Variants in CAMK2B observed in about 807,000 individuals in gnomAD.
The protein encoded by CAMK2B is calcium/calmodulin-dependent protein kinase type II subunit beta.
A neutral mutation model predicts 93.7 loss-of-function variants in CAMK2B; 27 were observed. That is an observed-to-expected ratio of 0.29 (90% CI 0.21 to 0.40). The LOEUF is 0.40. Among genes scored for constraint, CAMK2B ranks in the 10% least tolerant of loss-of-function variants. CAMK2B has a pLI of 1.00. For synonymous variants in CAMK2B, 374 were observed against 358.8 expected, an observed-to-expected ratio of 1.04 and a Z score of -0.48; for missense variants, 568 against 895.8, an observed-to-expected ratio of 0.63 and a Z score of 4.67.
chr7:44,234,408 CG>C lies in CAMK2B; in HGVS notation c.1112del (p.Thr371SerfsTer32). Reference sequence around the variant, plus strand: ...TCAGTACCAGGGCGGCAGGAGGAAGCGTCCCTTTGGGGCTGGTGGCGGCTGC... The same window carrying C: ...TCAGTACCAGGGCGGCAGGAGGAAGCTCCCTTTGGGGCTGGTGGCGGCTGC... Reference protein sequence around the residue: ...NSAAATSPKGTLPPAALEPQT... With the variant: ...NSAAATSPKGXLPPAALEPQT... On this transcript the variant is annotated frameshift_variant, in exon 15 of 24. Coordinates refer to ENST00000395749, the MANE Select transcript of CAMK2B (RefSeq NM_001220.5). LOFTEE classifies it high-confidence loss of function. 1 of 1,535,486 alleles carries C rather than the reference CG, an allele frequency of 6.5e-7. No individual in the cohort carries two copies. Among genetic ancestry groups the C allele is most frequent in the Non-Finnish European group, 8.7e-7 (1 of 1,144,380 alleles).
At chr7:44,273,721 C>T (rs2096999261) in intron 2 of CAMK2B, among the ~76,000 whole-genome samples, 1 of 152,214 alleles carries the variant, frequency 6.6e-6, no homozygotes, top group Non-Finnish European at 1.5e-5. Context: ...GCCCAGACTC[C>T]AGGGCTGCAC....
At chr7:44,285,780 G>GT (rs1055816386) in intron 1 of CAMK2B, among the ~76,000 whole-genome samples, 5 of 147,542 alleles carry the variant, frequency 3.4e-5, no homozygotes, top group Non-Finnish European at 7.5e-5. Context: ...CTCAGGAGAT[G>GT]TGGGGGGAGA....
At chr7:44,295,005 G>A (rs2129153894) in intron 1 of CAMK2B, among the ~76,000 whole-genome samples, 1 of 152,336 alleles carries the variant, frequency 6.6e-6, no homozygotes, top group South Asian at 2.1e-4. Context: ...ACTCAGAAAA[G>A]CCAAGTAGAG....
At chr7:44,294,488 C>T (rs1425012006) in intron 1 of CAMK2B, among the ~76,000 whole-genome samples, 1 of 152,194 alleles carries the variant, frequency 6.6e-6, no homozygotes, top group Non-Finnish European at 1.5e-5. Flanking sequence ...GGCTTGGCTG[C>T]ATGTGCCCTG....
intron 1 of CAMK2B, among the ~76,000 whole-genome samples, chr7:44,302,061 T>C (rs1210658370): frequency 6.6e-6 from 1 of 152,010 alleles, no homozygotes; most frequent in Non-Finnish European, 1.5e-5. Context: ...GAAATAAAAG[T>C]GGGGCCACCA....
chr7:44,310,730 T>G (rs1793310464), intron 1 of CAMK2B, among the ~76,000 whole-genome samples: 1 of 152,106 alleles, frequency 6.6e-6, no homozygotes, highest in Non-Finnish European at 1.5e-5. Context: ...TTATATGGGG[T>G]CCCTAAAGTT....
intron 1 of CAMK2B, among the ~76,000 whole-genome samples, chr7:44,301,746 C>T (rs544936799): frequency 6.6e-6 from 1 of 151,688 alleles, no homozygotes; most frequent in Admixed American, 6.6e-5. Context: ...CACTGCACTC[C>T]AGCCTGGTGA....
At chr7:44,247,406 G>A (rs867734083) in intron 5 of CAMK2B, among the ~76,000 whole-genome samples, 8 of 152,254 alleles carry the variant, frequency 5.3e-5, no homozygotes, top group Admixed American at 2.6e-4. Context: ...TTCCCCTCTG[G>A]GCCCATATCT....
chr7:44,303,316 T>C (rs533476551), intron 1 of CAMK2B, among the ~76,000 whole-genome samples: 4 of 152,302 alleles, frequency 2.6e-5, no homozygotes, highest in Admixed American at 2.0e-4. Flanking sequence ...TATTGTCCAA[T>C]GTCAGTTTTT....
chr7:44,290,731 G>C (rs941869011), intron 1 of CAMK2B, among the ~76,000 whole-genome samples: 1 of 152,224 alleles, frequency 6.6e-6, no homozygotes, highest in Non-Finnish European at 1.5e-5. Context: ...TTCTAATCTT[G>C]ACCTAAGCAA....
chr7:44,299,116 C>A (rs1408042542), intron 1 of CAMK2B, among the ~76,000 whole-genome samples: 1 of 152,074 alleles, frequency 6.6e-6, no homozygotes, highest in Non-Finnish European at 1.5e-5. Context: ...GCATTATTCA[C>A]AATAGTCAAA....
Position 44,248,529 on chromosome 7 carries a change from G to A in CAMK2B, c.342-1337C>T, listed in dbSNP as rs1445020638. On this transcript the variant is annotated intron_variant, in intron 5 of 23. Coordinates refer to ENST00000395749, the MANE Select transcript of CAMK2B (RefSeq NM_001220.5). The surrounding 1 kb of genome is among the most constrained non-coding windows in gnomAD (Gnocchi z 4.1). ...CAGGCTGCCGATGCCCACCTGCCTG[G>A]GGTCTCAGTCACCGCCCCACTGGGC... Among the ~76,000 whole-genome samples, 1 of 152,206 alleles carries A rather than the reference G, an allele frequency of 6.6e-6. No individual in the cohort carries two copies. The highest frequency in any genetic ancestry group is 1.5e-5 in the Non-Finnish European group (1 of 68,036).
chr7:44,222,211 T>C (rs539790320), intron 20 of CAMK2B, among the ~76,000 whole-genome samples: 1 of 152,296 alleles, frequency 6.6e-6, no homozygotes, highest in Non-Finnish European at 1.5e-5. Context: ...TCCTGGGAAC[T>C]CTCCCTGTGG....
At chr7:44,246,015 A>G (rs925017415) in intron 6 of CAMK2B, among the ~76,000 whole-genome samples, 1 of 152,144 alleles carries the variant, frequency 6.6e-6, no homozygotes, top group African/African-American at 2.4e-5. Flanking sequence ...GCAGAGAGAC[A>G]GCTAAGCTTC....
intron 1 of CAMK2B, among the ~76,000 whole-genome samples, chr7:44,324,428 G>A (rs1445924403): frequency 6.6e-6 from 1 of 152,080 alleles, no homozygotes; most frequent in Non-Finnish European, 1.5e-5. Flanking sequence ...GAGACCCCAG[G>A]CCAGACAGGA....
chr7:44,256,666 G>A (rs1026507427), intron 4 of CAMK2B, among the ~76,000 whole-genome samples: 1 of 152,274 alleles, frequency 6.6e-6, no homozygotes, highest in African/African-American at 2.4e-5. Flanking sequence ...AGGCTCTGCA[G>A]ACGCCGAGTC....
chr7:44,303,418 G>A (rs1170645292), intron 1 of CAMK2B, among the ~76,000 whole-genome samples: 1 of 152,118 alleles, frequency 6.6e-6, no homozygotes, highest in African/African-American at 2.4e-5. Context: ...AGTTTATATG[G>A]AGAGTCAAAA....
chr7:44,299,631 A>C (rs565825596), intron 1 of CAMK2B, among the ~76,000 whole-genome samples: 8 of 152,206 alleles, frequency 5.3e-5, no homozygotes, highest in Non-Finnish European at 1.2e-4. Context: ...TGTCTACATT[A>C]ATTAGAGAAA....
intron 1 of CAMK2B, among the ~76,000 whole-genome samples, chr7:44,321,265 C>G (rs535127786): frequency 6.6e-6 from 1 of 152,168 alleles, no homozygotes; most frequent in Non-Finnish European, 1.5e-5. Context: ...GTGTGCCTCT[C>G]GGCAGAAGGC....
Sources: allele counts gnomAD v4.1 joint callset (sites outside exome capture counted in the v4.1 genomes callset), GRCh38; gene constraint gnomAD v4.1.1; non-coding constraint Gnocchi (gnomAD v3.1); transcripts MANE v1.5; gene names NCBI Gene and HGNC (gene_info 2026-07-23, HGNC 2026-07-21).